The following CTNNA3 variants were observed in gnomAD, a reference collection of about 807,000 sequenced individuals.
CTNNA3 encodes the protein catenin alpha-3.
In CTNNA3, 76 loss-of-function variants were observed where a neutral mutation model predicts 95.7. The observed-to-expected ratio is 0.79, with a 90% confidence interval of 0.66 to 0.96. CTNNA3 has a LOEUF of 0.96. CTNNA3 is among the 40% of genes least tolerant of loss of function. The pLI is 0.00. For synonymous variants in CTNNA3, 431 were observed against 374.4 expected, an observed-to-expected ratio of 1.15 and a Z score of -1.74; for missense variants, 1,191 against 1,089.8, an observed-to-expected ratio of 1.09 and a Z score of -1.31.
chr10:66,246,667 A>C (rs4746560), intron 13 of CTNNA3, among the ~76,000 whole-genome samples: 32,435 of 151,760 alleles, frequency 0.21, 3,643 homozygotes, highest in South Asian at 0.29. Context: ...ATTAAAAAAA[A>C]AAGCAGAAAT....
intron 7 of CTNNA3, among the ~76,000 whole-genome samples, chr10:67,096,593 C>T (rs756407642): frequency 4.3e-4 from 65 of 151,962 alleles, no homozygotes; most frequent in Middle Eastern, 3.4e-3. Flanking sequence ...CTGAAATCTG[C>T]CTACTTTTTA....
chr10:66,344,423 T>C (rs2092484594), intron 12 of CTNNA3, among the ~76,000 whole-genome samples: 1 of 149,940 alleles, frequency 6.7e-6, no homozygotes, highest in East Asian at 2.0e-4. Context: ...TGTGCCACCA[T>C]GCCCGGCTCA....
chr10:67,691,771 G>A (rs1352282096), intron 1 of CTNNA3, among the ~76,000 whole-genome samples: 4 of 149,880 alleles, frequency 2.7e-5, no homozygotes, highest in African/African-American at 9.8e-5. Flanking sequence ...GGGGGGGTCA[G>A]CCCCCCGCCT....
intron 13 of CTNNA3, among the ~76,000 whole-genome samples, chr10:66,105,278 G>C (rs187691368): frequency 6.6e-6 from 1 of 152,018 alleles, no homozygotes; most frequent in Admixed American, 6.6e-5. Flanking sequence ...ATCATATATC[G>C]CATTATTAGC....
chr10:67,342,089 TA>T (rs1842218605), intron 5 of CTNNA3, among the ~76,000 whole-genome samples: 1 of 141,834 alleles, frequency 7.1e-6, no homozygotes, highest in Admixed American at 7.9e-5. Flanking sequence ...TTAATTTATT[TA>T]TTTTTCTTCT....
chr10:66,680,609 G>A (rs528930793), intron 9 of CTNNA3, among the ~76,000 whole-genome samples: 1 of 152,190 alleles, frequency 6.6e-6, no homozygotes, highest in African/African-American at 2.4e-5. Flanking sequence ...GTCCACATCT[G>A]CCTTTCCACT....
At chr10:67,186,654 T>G (rs1449568836) in intron 6 of CTNNA3, among the ~76,000 whole-genome samples, 5 of 152,204 alleles carry the variant, frequency 3.3e-5, no homozygotes, top group Admixed American at 6.5e-5. Context: ...TTTTTACCTC[T>G]TCCGATGCAC....
At chr10:67,372,435 A>C (rs1472649068) in intron 5 of CTNNA3, among the ~76,000 whole-genome samples, 2 of 152,188 alleles carry the variant, frequency 1.3e-5, no homozygotes, top group Non-Finnish European at 2.9e-5. Context: ...AAAAAAGAAT[A>C]AAAAGAAACG....
At chr10:66,323,609 G>A (rs1230499949) in intron 12 of CTNNA3, among the ~76,000 whole-genome samples, 1 of 150,378 alleles carries the variant, frequency 6.6e-6, no homozygotes, top group Non-Finnish European at 1.5e-5. Context: ...CCAAGATCGT[G>A]CCACTGCACT....
At chr10:66,297,289 C>T (rs1162809574) in intron 12 of CTNNA3, among the ~76,000 whole-genome samples, 1 of 151,948 alleles carries the variant, frequency 6.6e-6, no homozygotes, top group Admixed American at 6.6e-5. Flanking sequence ...ACATAACCAC[C>T]CCCTGGTTCC....
intron 9 of CTNNA3, among the ~76,000 whole-genome samples, chr10:66,729,775 C>T (rs1351066108): frequency 3.9e-5 from 6 of 152,062 alleles, no homozygotes; most frequent in South Asian, 4.1e-4. Context: ...CCATGTGTTC[C>T]CCCAAAACCT....
At chr10:67,425,672 C>G (rs1328823228) in intron 5 of CTNNA3, among the ~76,000 whole-genome samples, 1 of 151,992 alleles carries the variant, frequency 6.6e-6, no homozygotes, top group African/African-American at 2.4e-5. Flanking sequence ...TCTTCAAGTG[C>G]CCAAATGGTG....
intron 6 of CTNNA3, among the ~76,000 whole-genome samples, chr10:67,209,391 T>C (rs1864045217): frequency 6.6e-6 from 1 of 152,004 alleles, no homozygotes; most frequent in Non-Finnish European, 1.5e-5. Flanking sequence ...CCACTAGAAA[T>C]ACAAGGAGAA....
At chr10:67,012,461 T>A (rs2133043162) in intron 7 of CTNNA3, 1 of 152,322 alleles carries the variant, frequency 6.6e-6, no homozygotes, top group African/African-American at 2.4e-5. Context: ...GTGAGGAAAT[T>A]ATAAATATTT....
intron 17 of CTNNA3, among the ~76,000 whole-genome samples, chr10:65,924,414 A>C (rs1337812262): frequency 2.0e-5 from 3 of 152,156 alleles, no homozygotes; most frequent in African/African-American, 7.2e-5. Flanking sequence ...TCCTACACTT[A>C]TGTCTTTCTT....
intron 7 of CTNNA3, among the ~76,000 whole-genome samples, chr10:66,780,685 A>ACTTC: frequency 6.6e-6 from 1 of 152,180 alleles, no homozygotes. Flanking sequence ...ATGATCCTTG[A>ACTTC]AATATAAAAA....
At chr10:65,993,316 A>T (rs1359473190) in intron 15 of CTNNA3, among the ~76,000 whole-genome samples, 2 of 152,206 alleles carry the variant, frequency 1.3e-5, no homozygotes, top group Non-Finnish European at 2.9e-5. Flanking sequence ...TGTCTAGATG[A>T]TCTTTCTAAT....
chr10:66,375,645 A>C (rs1438792561), intron 12 of CTNNA3, among the ~76,000 whole-genome samples: 1 of 152,154 alleles, frequency 6.6e-6, no homozygotes, highest in African/African-American at 2.4e-5. Flanking sequence ...GTATATGTAA[A>C]CCATATTAAA....
Position 67,606,879 on chromosome 10 carries a change from T to G in CTNNA3, c.270A>C (p.Ser90=). The change falls in exon 3 of 18, where the codon TCA becomes TCC. Residue 90 remains serine, a synonymous_variant. Coordinates refer to ENST00000433211, the MANE Select transcript of CTNNA3 (RefSeq NM_013266.4). ...ATVLKDELTA[S]LEEVRKESEA... ...CACTTTCTTTGCGAACTTCCTCAAG[T>G]GAAGCCGTAAGCTCATCCTTTAAAA... The G allele has an allele frequency of 6.2e-7, 1 of 1,613,714 alleles. No individual in the cohort carries two copies. Among genetic ancestry groups the G allele is most frequent in the Non-Finnish European group, 8.5e-7 (1 of 1,179,826 alleles).
Sources: gnomAD v4.1 joint callset for allele counts (sites outside exome capture counted in the v4.1 genomes callset) on GRCh38, gnomAD v4.1.1 for gene constraint, MANE v1.5 for transcripts, NCBI Gene and HGNC (gene_info 2026-07-23, HGNC 2026-07-21) for gene names.